Variants in CCDC171 observed in about 807,000 individuals in gnomAD.
CCDC171 encodes coiled-coil domain containing 171.
Under a neutral mutation model 168.2 loss-of-function variants are expected in CCDC171, and 177 were observed. The ratio of observed to expected loss-of-function variants is 1.05; its 90% confidence interval spans 0.93 to 1.19. CCDC171 has a LOEUF of 1.19. Among genes scored for constraint, CCDC171 ranks in the 50% most tolerant of loss-of-function variants. The pLI is 0.00. For synonymous variants in CCDC171, 687 were observed against 540.8 expected (o/e 1.27, Z -3.75); for missense variants, 1,991 against 1,539.0 (o/e 1.29, Z -4.91).
chr9:15,703,325 G>T (rs1430566128), intron 11 of CCDC171, among the ~76,000 whole-genome samples: 1 of 152,138 alleles, frequency 6.6e-6, no homozygotes, highest in Non-Finnish European at 1.5e-5. Flanking sequence ...TATCATTCAT[G>T]TGTTCACTGG....
chr9:16,094,358 G>C, the CCDC171 span, among the ~76,000 whole-genome samples: 1 of 152,218 alleles, frequency 6.6e-6, no homozygotes, highest in African/African-American at 2.4e-5. Flanking sequence ...TCTCAAAATG[G>C]TTCATGTGTT....
intron 23 of CCDC171, among the ~76,000 whole-genome samples, chr9:15,858,749 A>G (rs1222093507): frequency 6.6e-6 from 1 of 152,058 alleles, no homozygotes; most frequent in African/African-American, 2.4e-5. Context: ...TTGAATTAAT[A>G]CTGAACTAGG....
chr9:15,640,233 C>T (rs1364424700), intron 7 of CCDC171, among the ~76,000 whole-genome samples: 1 of 152,096 alleles, frequency 6.6e-6, no homozygotes, highest in Non-Finnish European at 1.5e-5. Context: ...GTGGATAGGA[C>T]TTCCTGACCA....
intron 24 of CCDC171, chr9:15,888,076 G>C (rs191984166): frequency 6.6e-6 from 1 of 152,318 alleles, no homozygotes; most frequent in African/African-American, 2.4e-5. Flanking sequence ...TTTTATCCCA[G>C]ACTCTTTTCC....
Position 15,642,377 on chromosome 9 carries a change from A to G in CCDC171, c.823-14750A>G, listed in dbSNP as rs1433072525. 2.8e-5 allele frequency among the ~76,000 whole-genome samples: 3 copies of G among 108,540 alleles called. No individual in the cohort carries two copies. In the East Asian group the frequency reaches 1.0e-3, roughly 36 times the overall value. The allele number at this position is 108,540 out of a possible 152,430, so 71.2% of individuals were successfully genotyped here. On this transcript the variant is annotated intron_variant, in intron 7 of 25. Coordinates refer to ENST00000380701, the MANE Select transcript of CCDC171 (RefSeq NM_173550.4). Reference sequence around the variant, plus strand: ...TATATATATATATATATATATATATATATATATGCATTTTAACCAGAATTT... The same window carrying G: ...TATATATATATATATATATATATATGTATATATGCATTTTAACCAGAATTT...
At chr9:16,106,895 T>G in the CCDC171 span, among the ~76,000 whole-genome samples, 31 of 152,286 alleles carry the variant, frequency 2.0e-4, 1 homozygote, top group Admixed American at 8.5e-4. Context: ...TCAGGACTTC[T>G]ATACCATCTA....
intron 3 of CCDC171, among the ~76,000 whole-genome samples, chr9:15,573,174 G>C (rs1300495911): frequency 1.3e-5 from 2 of 152,094 alleles, no homozygotes; most frequent in Non-Finnish European, 1.5e-5. Context: ...TTTTTTTCAG[G>C]ATATCTAAGG....
At chr9:15,623,130 G>A (rs1158344247) in intron 6 of CCDC171, 137 bp from the exon 7 acceptor site, 2 of 486,796 alleles carry the variant, frequency 4.1e-6, no homozygotes, top group African/African-American at 2.0e-5. Context: ...AAATATCTAG[G>A]CCTCTTTTGC....
intron 25 of CCDC171, among the ~76,000 whole-genome samples, chr9:15,955,218 A>G (rs542549119): frequency 3.6e-4 from 55 of 152,158 alleles, no homozygotes; most frequent in Admixed American, 7.9e-4. Context: ...TCACTTTCTA[A>G]TTTTCCTCAC....
chr9:15,894,795 C>T (rs1290228792), intron 24 of CCDC171, among the ~76,000 whole-genome samples: 1 of 152,086 alleles, frequency 6.6e-6, no homozygotes, highest in African/African-American at 2.4e-5. Flanking sequence ...TTCTCTCATT[C>T]CTTACTAAAA....
At chr9:15,566,904 C>T (rs1422529418) in intron 2 of CCDC171, among the ~76,000 whole-genome samples, 2 of 152,032 alleles carry the variant, frequency 1.3e-5, no homozygotes, top group East Asian at 1.9e-4. Flanking sequence ...GTTCCAGCAG[C>T]GTTGTTGATA....
chr9:15,675,483 T>C (rs1305299894), intron 9 of CCDC171, among the ~76,000 whole-genome samples: 5 of 152,172 alleles, frequency 3.3e-5, no homozygotes, highest in African/African-American at 1.2e-4. Context: ...GTCTTTACAA[T>C]TTGGTATGTT....
chr9:16,061,848 G>A (rs566786527), downstream of CCDC171, among the ~76,000 whole-genome samples: 16 of 152,288 alleles, frequency 1.1e-4, 1 homozygote, highest in South Asian at 2.9e-3. Flanking sequence ...GGGATAACTC[G>A]GAGAAGTGGT....
upstream of CCDC171, among the ~76,000 whole-genome samples, chr9:16,038,242 A>T (rs1833509230): frequency 1.3e-5 from 2 of 152,162 alleles, no homozygotes; most frequent in Non-Finnish European, 2.9e-5. Flanking sequence ...TGGTCACCAA[A>T]AATGTAAAGT....
chr9:15,990,007 G>A (rs1423485521), intron 3 of CCDC171, among the ~76,000 whole-genome samples: 1 of 152,136 alleles, frequency 6.6e-6, no homozygotes, highest in Non-Finnish European at 1.5e-5. Flanking sequence ...ACACTCTGCA[G>A]GATATTATCC....
chr9:15,745,623 G>C lies in CCDC171; in HGVS notation c.2663G>C (p.Gly888Ala), dbSNP rs910544807. 6.4e-6 allele frequency: 10 copies of C among 1,563,236 alleles called. No homozygotes were observed. In the Admixed American group the frequency reaches 1.0e-4, roughly 16 times the overall value. The change falls in exon 18 of 26, where the codon GGT becomes GCT. Residue 888 changes from glycine to alanine, a missense_variant. By Grantham distance (60) the Gly-to-Ala change is moderately conservative. Transcript: ENST00000380701. The stretch of plus-strand genomic sequence containing the variant: ...ATGGCTGAATTACAAGACGTCATTG[G>C]TAAAGCAGGTATGGTTCCTTCTTTT... ...SSMAELQDVI[G>A]KADPNSRICG...
intron 9 of CCDC171, among the ~76,000 whole-genome samples, chr9:15,669,746 C>T (rs1045375709): frequency 2.0e-5 from 3 of 152,018 alleles, no homozygotes; most frequent in Non-Finnish European, 4.4e-5. Flanking sequence ...TCAAATATAT[C>T]ATGCTGAATG....
the CCDC171 span, among the ~76,000 whole-genome samples, chr9:16,093,592 T>G: frequency 6.6e-6 from 1 of 152,244 alleles, no homozygotes; most frequent in African/African-American, 2.4e-5. Flanking sequence ...AGAAGTGCAT[T>G]GATTTCTGTG....
intron 7 of CCDC171, among the ~76,000 whole-genome samples, chr9:15,637,836 A>G (rs888232321): frequency 6.6e-6 from 1 of 151,960 alleles, no homozygotes; most frequent in Admixed American, 6.6e-5. Flanking sequence ...TCCATGGTGT[A>G]TATGTGCCAC....
Sources: allele counts gnomAD v4.1 joint callset (sites outside exome capture counted in the v4.1 genomes callset), GRCh38; gene constraint gnomAD v4.1.1; transcripts MANE v1.5; gene names NCBI Gene and HGNC (gene_info 2026-07-23, HGNC 2026-07-21).